The following JMJD1C variants were observed in gnomAD, a reference collection of about 807,000 sequenced individuals.
The protein encoded by JMJD1C is jumonji domain containing 1C, also known as jumonji domain-containing protein 1C.
A neutral mutation model predicts 245.3 loss-of-function variants in JMJD1C; 31 were observed. That is an observed-to-expected ratio of 0.13 (90% CI 0.09 to 0.17). The LOEUF (loss-of-function observed/expected upper bound fraction) is 0.17. Ranked by LOEUF, JMJD1C falls within the 10% of genes least tolerant of loss-of-function variation. The pLI is 1.00. For missense variants in JMJD1C, 2,691 were observed against 3,000.2 expected (o/e 0.90, Z 2.41); for synonymous variants, 1,057 against 1,017.4 (o/e 1.04, Z -0.74).
chr10:63,418,378 A>G (rs2132716344), intron 1 of JMJD1C, among the ~76,000 whole-genome samples: 1 of 152,306 alleles, frequency 6.6e-6, no homozygotes, highest in East Asian at 1.9e-4. Context: ...CTTCCCTTTA[A>G]CCACATTTAA....
chr10:63,209,163 T>G lies in JMJD1C; in HGVS notation c.2767A>C (p.Ile923Leu), dbSNP rs1847019059. The G allele has an allele frequency of 1.2e-6, 2 of 1,613,894 alleles. No individual in the cohort carries two copies. Among genetic ancestry groups the G allele is most frequent in the African/African-American group, 2.7e-5 (2 of 74,916 alleles). Residue 923 changes from isoleucine (I) to leucine (L), a missense_variant, in exon 9 of 26, where the codon ATT becomes CTT. By Grantham distance (5) the Ile-to-Leu change is conservative. Coordinates refer to ENST00000399262, the MANE Select transcript of JMJD1C (RefSeq NM_032776.3). ...TCTGCACTGGAAGGTCTGACAGGAA[T>G]GTGACTAAGTAATCCAATACCATCT... ...SADGIGLLSHIPVRPSSAEPH... is the reference protein window; with the variant it reads ...SADGIGLLSHLPVRPSSAEPH...
At chr10:63,320,967 T>C (rs10822156) in intron 2 of JMJD1C, among the ~76,000 whole-genome samples, 64,702 of 151,988 alleles carry the variant, frequency 0.43, 14,409 homozygotes, top group South Asian at 0.53. Flanking sequence ...AGGGGCTGAA[T>C]TGAGTTGATC....
intron 2 of JMJD1C, among the ~76,000 whole-genome samples, chr10:63,281,980 CGTT>C (rs1217109904): frequency 3.9e-5 from 6 of 152,244 alleles, no homozygotes. Flanking sequence ...AGGACATATA[CGTT>C]TGCATATGAC....
chr10:63,174,696 G>A (rs1564549383), intron 24 of JMJD1C, among the ~76,000 whole-genome samples: 1 of 152,132 alleles, frequency 6.6e-6, no homozygotes, highest in Admixed American at 6.5e-5. Flanking sequence ...AGACAGGCGT[G>A]GTGGTGCATG....
intron 2 of JMJD1C, among the ~76,000 whole-genome samples, chr10:63,337,624 A>AAAAAGAAAAAGAAAAGAAAAG (rs1554892789): frequency 1.3e-4 from 8 of 60,192 alleles, no homozygotes; most frequent in African/African-American, 3.0e-4. Context: ...AAAAGAAAAG[A>AAAAAGAAAAAGAAAAGAAAAG]AAAAGAAAAG....
intron 11 of JMJD1C, among the ~76,000 whole-genome samples, 183 bp downstream of exon 11, chr10:63,200,293 T>G (rs1294181395): frequency 6.6e-6 from 1 of 152,184 alleles, no homozygotes; most frequent in Non-Finnish European, 1.5e-5. Flanking sequence ...GTATTTAGTC[T>G]TATAGTTAGA....
chr10:63,315,735 G>A (rs1939924894), intron 2 of JMJD1C, among the ~76,000 whole-genome samples: 2 of 151,456 alleles, frequency 1.3e-5, no homozygotes, highest in South Asian at 4.2e-4. Flanking sequence ...AGCTACTTGG[G>A]AGGCTGAGGA....
chr10:63,500,751 G>GGATGAAT (rs1194775120), intron 1 of JMJD1C, among the ~76,000 whole-genome samples: 4 of 136,016 alleles, frequency 2.9e-5, no homozygotes, highest in Non-Finnish European at 4.6e-5. Flanking sequence ...ATGGAAGGAT[G>GGATGAAT]GATGGATGGA....
rs549305531 is a variant in JMJD1C, at chr10:63,301,590, A to G, written c.334-36826T>C. Among the ~76,000 whole-genome samples the G allele has an allele frequency of 2.0e-5, 3 of 152,302 alleles. No individual in the cohort carries two copies. In the South Asian group the frequency reaches 6.2e-4, roughly 32 times the overall value. ...AACCAAACACCGCGTGTTTTCACTC[A>G]TAAGTGGGAGTTGAACAATGAGAAC... is the stretch of plus-strand genomic sequence containing the variant. On this transcript the variant is annotated intron_variant, in intron 2 of 25. Transcript: ENST00000399262.
chr10:63,230,032 T>C (rs1012372511), intron 3 of JMJD1C, among the ~76,000 whole-genome samples: 1 of 152,198 alleles, frequency 6.6e-6, no homozygotes. Flanking sequence ...ATGTCTAGCA[T>C]GTCCACGGGC....
At chr10:63,498,551 T>G (rs1056161324) in intron 1 of JMJD1C, among the ~76,000 whole-genome samples, 1 of 152,156 alleles carries the variant, frequency 6.6e-6, no homozygotes, top group East Asian at 1.9e-4. Context: ...CATTACTATA[T>G]AGCAAGGCCC....
At chr10:63,403,030 AT>A (rs1012999804) in intron 1 of JMJD1C, among the ~76,000 whole-genome samples, 10 of 152,222 alleles carry the variant, frequency 6.6e-5, no homozygotes, top group Non-Finnish European at 1.2e-4. Flanking sequence ...GAAGGAAAGC[AT>A]GATTGAAATA....
chr10:63,335,613 G>A (rs1212525259), intron 2 of JMJD1C, among the ~76,000 whole-genome samples: 1 of 152,058 alleles, frequency 6.6e-6, no homozygotes, highest in Non-Finnish European at 1.5e-5. Flanking sequence ...CAGGGTTCAA[G>A]CCATTCTCCT....
At chr10:63,435,849 A>AGATC (rs1951032450) in intron 1 of JMJD1C, among the ~76,000 whole-genome samples, 1 of 152,234 alleles carries the variant, frequency 6.6e-6, no homozygotes, top group Non-Finnish European at 1.5e-5. Context: ...CAGTGAGCCA[A>AGATC]GATCGCACCA....
chr10:63,521,695 C>G (rs1207730800), intron 1 of JMJD1C: 3 of 647,364 alleles, frequency 4.6e-6, no homozygotes, highest in Admixed American at 4.5e-5. Context: ...GTAGCCCGGC[C>G]TCGGGCCTGC....
intron 1 of JMJD1C, among the ~76,000 whole-genome samples, chr10:63,417,320 T>C (rs1236817903): frequency 6.6e-6 from 1 of 152,170 alleles, no homozygotes; most frequent in Non-Finnish European, 1.5e-5. Context: ...AGAAATTAAA[T>C]TAAAGCTCAA....
intron 10 of JMJD1C, among the ~76,000 whole-genome samples, chr10:63,201,395 C>A (rs1358381706): frequency 1.3e-5 from 2 of 151,554 alleles, no homozygotes; most frequent in African/African-American, 4.9e-5. Flanking sequence ...ATTAAAATAG[C>A]CATCAAAAAA....
At chr10:63,515,117 C>T (rs1954979686) in intron 1 of JMJD1C, among the ~76,000 whole-genome samples, 1 of 152,072 alleles carries the variant, frequency 6.6e-6, no homozygotes, top group East Asian at 1.9e-4. Context: ...TTCCTCCCTT[C>T]AAATGGAACA....
chr10:63,356,255 A>T (rs1311124678), intron 2 of JMJD1C, among the ~76,000 whole-genome samples: 1 of 152,214 alleles, frequency 6.6e-6, no homozygotes, highest in Non-Finnish European at 1.5e-5. Flanking sequence ...CTACAAACAC[A>T]ACGTTATGTC....
Sources: gnomAD v4.1 joint callset for allele counts (sites outside exome capture counted in the v4.1 genomes callset) on GRCh38, gnomAD v4.1.1 for gene constraint, MANE v1.5 for transcripts, NCBI Gene and HGNC (gene_info 2026-07-23, HGNC 2026-07-21) for gene names.